The following SYT9 variants were observed in gnomAD, a reference collection of about 807,000 sequenced individuals.
SYT9 encodes synaptotagmin-9.
In SYT9, 22 loss-of-function variants were observed where a neutral mutation model predicts 48.4. The ratio of observed to expected loss-of-function variants is 0.45; its 90% CI spans 0.32 to 0.65. The LOEUF is 0.65. Ranked by LOEUF, SYT9 falls within the 30% of genes least tolerant of loss-of-function variation. The pLI, the probability that SYT9 is intolerant of heterozygous loss-of-function variation, is 0.03. For missense variants in SYT9, 577 were observed against 622.0 expected (o/e 0.93, Z 0.77); for synonymous variants, 265 against 245.0 (o/e 1.08, Z -0.76).
At chr11:7,403,445 G>A (rs188461807) in intron 3 of SYT9, among the ~76,000 whole-genome samples, 3 of 152,066 alleles carry the variant, frequency 2.0e-5, no homozygotes, top group African/African-American at 4.8e-5. Context: ...ACAGCTACTC[G>A]TAAGGTTAAG....
chr11:7,365,441 T>C (rs1850222374), intron 3 of SYT9, among the ~76,000 whole-genome samples: 1 of 152,176 alleles, frequency 6.6e-6, no homozygotes, highest in Non-Finnish European at 1.5e-5. Flanking sequence ...CAGGTTCTGA[T>C]ATCGTGTGCA....
intron 6 of SYT9, among the ~76,000 whole-genome samples, chr11:7,433,931 T>A (rs1847657160): frequency 6.6e-6 from 1 of 152,130 alleles, no homozygotes; most frequent in African/African-American, 2.4e-5. Context: ...AAAATAAGGC[T>A]GAGTTGGAGC....
chr11:7,273,189 G>C (rs1848326950), intron 1 of SYT9, among the ~76,000 whole-genome samples: 1 of 152,032 alleles, frequency 6.6e-6, no homozygotes. Flanking sequence ...AAGAGAGACT[G>C]AATTGGGTTT....
At chr11:7,388,851 A>G (rs761216026) in intron 3 of SYT9, among the ~76,000 whole-genome samples, 1 of 152,078 alleles carries the variant, frequency 6.6e-6, no homozygotes, top group Non-Finnish European at 1.5e-5. Context: ...TGCCAGCCCT[A>G]CTGTTAACTA....
intron 3 of SYT9, among the ~76,000 whole-genome samples, chr11:7,386,374 G>A (rs2134053377): frequency 6.6e-6 from 1 of 151,694 alleles, no homozygotes; most frequent in East Asian, 1.9e-4. Flanking sequence ...TACAGAATGG[G>A]AGAAAATTTT....
intron 1 of SYT9, among the ~76,000 whole-genome samples, chr11:7,260,159 A>G (rs1848051431): frequency 6.6e-6 from 1 of 152,190 alleles, no homozygotes; most frequent in Admixed American, 6.6e-5. Flanking sequence ...CTGTCATTCA[A>G]AGATACATTA....
chr11:7,257,158 A>G (rs1847987584), intron 1 of SYT9, among the ~76,000 whole-genome samples: 1 of 152,190 alleles, frequency 6.6e-6, no homozygotes, highest in Admixed American at 6.5e-5. Context: ...CCATTGGGCA[A>G]AGAATGCATC....
chr11:7,324,849 G>C (rs1403501692), intron 3 of SYT9, among the ~76,000 whole-genome samples: 2 of 151,912 alleles, frequency 1.3e-5, no homozygotes, highest in Non-Finnish European at 2.9e-5. Context: ...AAAAGATTAT[G>C]TCTCACTCAT....
chr11:7,415,580 C>T (rs1347996965), intron 3 of SYT9, among the ~76,000 whole-genome samples: 1 of 151,934 alleles, frequency 6.6e-6, no homozygotes, highest in African/African-American at 2.4e-5. Flanking sequence ...CTACCCTGGG[C>T]CGTGGGTGGG....
At chr11:7,348,688 CTTTTTTTTTT>C (rs34752256) in intron 3 of SYT9, among the ~76,000 whole-genome samples, 151 of 47,112 alleles carry the variant, frequency 3.2e-3, no homozygotes, top group Non-Finnish European at 5.1e-3. Context: ...ATCAGACCTC[CTTTTTTTTTT>C]TTTTTTTTTT....
chr11:7,256,348 C>T (rs1847969907), intron 1 of SYT9, among the ~76,000 whole-genome samples: 2 of 152,116 alleles, frequency 1.3e-5, no homozygotes, highest in Admixed American at 6.5e-5. Flanking sequence ...AGTTATGTCC[C>T]AGACCCACTG....
intron 6 of SYT9, among the ~76,000 whole-genome samples, chr11:7,432,578 AAAAAATATATATACATATATATATAT>A (rs1564902022): frequency 0.022 from 195 of 8,992 alleles, 4 homozygotes; most frequent in Non-Finnish European, 0.026. Context: ...AAAAAAAAAA[AAAAAATATATATACATATATATATAT>A]ATATATATAT....
At chr11:7,458,829 G>A (rs1848195838) in intron 6 of SYT9, among the ~76,000 whole-genome samples, 1 of 152,218 alleles carries the variant, frequency 6.6e-6, no homozygotes, top group Admixed American at 6.5e-5. Flanking sequence ...GAACCCAGTA[G>A]AGCTTCAAAA....
At chr11:7,406,559 T>TATATATATATATATATACAC (rs922664189) in intron 3 of SYT9, among the ~76,000 whole-genome samples, 1 of 146,680 alleles carries the variant, frequency 6.8e-6, no homozygotes, top group African/African-American at 2.5e-5. Flanking sequence ...TATATATATA[T>TATATATATATATATATACAC]ATATATATAG....
At chr11:7,385,340 CTGTGTG>C (rs66576884) in intron 3 of SYT9, among the ~76,000 whole-genome samples, 277 of 146,774 alleles carry the variant, frequency 1.9e-3, no homozygotes, top group South Asian at 2.6e-3. Context: ...TTTGTTTGCT[CTGTGTG>C]TGTGTGTGTG....
At chr11:7,295,217 G>T (rs1202807902) in intron 1 of SYT9, among the ~76,000 whole-genome samples, 4 of 152,186 alleles carry the variant, frequency 2.6e-5, no homozygotes, top group African/African-American at 7.2e-5. Flanking sequence ...ACTATAAGCA[G>T]CTAGGAGGAG....
Position 7,315,527 on chromosome 11 carries a change from T to A in SYT9, c.1044+1586T>A, listed in dbSNP as rs558186390. Among the ~76,000 whole-genome samples, 4 of 152,298 alleles carry A rather than the reference T, an allele frequency of 2.6e-5. No homozygotes were observed. In the South Asian group the frequency reaches 6.2e-4, roughly 24 times the overall value. ...GTTGGTCACACCATCTAATGAGACA[T>A]CAATTTATACTTTTTGACAAATGGA... On this transcript the variant is annotated intron_variant, in intron 3 of 6. Coordinates refer to ENST00000318881, the MANE Select transcript of SYT9 (RefSeq NM_175733.4).
chr11:7,357,210 C>T (rs7950747), intron 3 of SYT9, among the ~76,000 whole-genome samples: 42,079 of 151,876 alleles, frequency 0.28, 6,569 homozygotes, highest in Non-Finnish European at 0.36. Flanking sequence ...GGAAACCTAC[C>T]GAAGGATTTT....
chr11:7,368,429 G>A (rs1003840012), intron 3 of SYT9, among the ~76,000 whole-genome samples: 2 of 152,064 alleles, frequency 1.3e-5, no homozygotes, highest in African/African-American at 4.8e-5. Context: ...TACATGTGCT[G>A]TGGTGGTTTG....
Sources: gnomAD v4.1 joint callset for allele counts (sites outside exome capture counted in the v4.1 genomes callset) on GRCh38, gnomAD v4.1.1 for gene constraint, MANE v1.5 for transcripts, NCBI Gene and HGNC (gene_info 2026-07-23, HGNC 2026-07-21) for gene names.